ITGB5: variants seen among roughly 807,000 people sequenced by gnomAD.
ITGB5 encodes the protein integrin subunit beta 5, also known as integrin beta-5.
ITGB5 carries 38 observed loss-of-function variants against 84.8 expected under a neutral mutation model. That is an observed-to-expected ratio of 0.45 (90% CI 0.35 to 0.59). The LOEUF (loss-of-function observed/expected upper bound fraction) is 0.59. ITGB5 is among the 20% of genes least tolerant of loss of function. The pLI, the probability that ITGB5 is intolerant of heterozygous loss-of-function variation, is 0.01. For synonymous variants in ITGB5, 393 were observed against 414.4 expected, an observed-to-expected ratio of 0.95 and a Z score of 0.63; for missense variants, 905 against 1,034.5, an observed-to-expected ratio of 0.87 and a Z score of 1.72.
At chr3:124,898,826 A>C (rs1173225621) in intron 1 of ITGB5, among the ~76,000 whole-genome samples, 1 of 149,334 alleles carries the variant, frequency 6.7e-6, no homozygotes, top group South Asian at 2.1e-4. Flanking sequence ...CTGTAATCCC[A>C]GTACTTTGGG....
chr3:124,764,352 C>CTT, intron 14 of ITGB5, 39 bp downstream of exon 14: 5 of 1,582,848 alleles, frequency 3.2e-6, no homozygotes, highest in Non-Finnish European at 3.5e-6. Flanking sequence ...CGCCTCTGAG[C>CTT]TTGAAGTCTC....
intron 10 of ITGB5, among the ~76,000 whole-genome samples, chr3:124,775,462 G>C (rs1359347481): frequency 6.6e-6 from 1 of 152,112 alleles, no homozygotes; most frequent in African/African-American, 2.4e-5. Flanking sequence ...GAAAAGACTA[G>C]ATAGCACCGT....
chr3:124,873,487 A>G lies in ITGB5; in HGVS notation c.115T>C (p.Cys39Arg), dbSNP rs1579326642. 6.2e-7 allele frequency: 1 copy of G among 1,613,932 alleles called. No homozygotes were observed. The highest frequency in any genetic ancestry group is 8.5e-7 in the Non-Finnish European group (1 of 1,179,940). Residue 39 changes from cysteine to arginine, a missense_variant, in exon 2 of 15, where the codon TGT becomes CGT. Physicochemically the swap from Cys to Arg is radical, Grantham distance 180. Transcript: ENST00000296181. Reference protein sequence around the residue: ...TSGSATSCEECLLIHPKCAWC... With the variant: ...TSGSATSCEERLLIHPKCAWC... The stretch of plus-strand genomic sequence containing the variant: ...GCACATTTTGGGTGGATTAGCAGAC[A>G]TTCTTCACATGAGGTGGCACTTCCA...
intron 4 of ITGB5, among the ~76,000 whole-genome samples, chr3:124,845,639 A>T (rs879755759): frequency 6.6e-6 from 1 of 152,134 alleles, no homozygotes; most frequent in Non-Finnish European, 1.5e-5. Context: ...ATAAGTAATG[A>T]TGTGTCATAA....
At chr3:124,875,763 A>G (rs1345844476) in intron 1 of ITGB5, among the ~76,000 whole-genome samples, 1 of 152,232 alleles carries the variant, frequency 6.6e-6, no homozygotes, top group Non-Finnish European at 1.5e-5. Context: ...ACAGATGAAT[A>G]AAGAAAATGT....
chr3:124,789,110 T>A (rs1187509316), intron 10 of ITGB5, among the ~76,000 whole-genome samples: 1 of 152,234 alleles, frequency 6.6e-6, no homozygotes, highest in East Asian at 1.9e-4. Context: ...AAGCCATTTG[T>A]GAAATATGCC....
At chr3:124,859,593 C>T in intron 2 of ITGB5, 147 bp from the exon 3 acceptor site, 1 of 642,834 alleles carries the variant, frequency 1.6e-6, no homozygotes, top group Non-Finnish European at 2.7e-6. Flanking sequence ...ATGGTAATCC[C>T]TATCCCAGAT....
chr3:124,851,868 G>A (rs941077199), intron 3 of ITGB5, among the ~76,000 whole-genome samples: 2 of 152,114 alleles, frequency 1.3e-5, no homozygotes, highest in Admixed American at 6.5e-5. Context: ...GACATTCCTG[G>A]TCAGATCCAT....
chr3:124,864,050 AAAAGAAAG>A (rs375316276), intron 2 of ITGB5, among the ~76,000 whole-genome samples: 17 of 137,690 alleles, frequency 1.2e-4, no homozygotes, highest in African/African-American at 4.2e-4. Context: ...AGAAAAAAGA[AAAAGAAAG>A]AAAGAAAGAA....
intron 8 of ITGB5, among the ~76,000 whole-genome samples, chr3:124,815,351 G>A (rs1356879767): frequency 1.3e-5 from 2 of 152,200 alleles, no homozygotes; most frequent in Non-Finnish European, 2.9e-5. Flanking sequence ...AATGCTCTTG[G>A]GGAGCTCCAG....
intron 3 of ITGB5, 26 bp downstream of exon 3, chr3:124,859,216 T>A (rs2065261340): frequency 6.2e-7 from 1 of 1,607,874 alleles, no homozygotes. Context: ...TCCCAGAGCA[T>A]CCAGCCCTTT....
At chr3:124,839,589 AT>A (rs974018138) in intron 5 of ITGB5, among the ~76,000 whole-genome samples, 1 of 152,170 alleles carries the variant, frequency 6.6e-6, no homozygotes. Flanking sequence ...AGGTGGGGAG[AT>A]GAGGGGGATC....
chr3:124,887,910 T>TTTTTC (rs1340195627), upstream of ITGB5: 3 of 221,220 alleles, frequency 1.4e-5, no homozygotes, highest in African/African-American at 4.9e-5. Flanking sequence ...CCTACATTTC[T>TTTTTC]TTTTCTTTTC....
intron 12 of ITGB5, among the ~76,000 whole-genome samples, chr3:124,767,546 C>T (rs1219021452): frequency 2.0e-5 from 3 of 152,214 alleles, no homozygotes; most frequent in African/African-American, 7.2e-5. Flanking sequence ...CACAGGAAGG[C>T]ATTGTTTCCT....
At position 124,896,092 on chromosome 3, in the gene ITGB5, C is replaced by A. The variant is rs1488113644; in HGVS notation, c.-255+5174G>T. Among the ~76,000 whole-genome samples the A allele has an allele frequency of 3.9e-5, 6 of 152,190 alleles. No homozygotes were observed. In the South Asian group the frequency reaches 1.0e-3, roughly 26 times the overall value. On this transcript the variant is annotated intron_variant, in intron 1 of 4. Transcript: ENST00000608657. ...ATGTGCTTGCATAGAAGACGGAATG[C>A]CTGTTTGAACGTGTTCTTTATGTGG...
chr3:124,817,585 G>A (rs759192419), intron 8 of ITGB5, 36 bp downstream of exon 8: 4 of 1,158,544 alleles, frequency 3.5e-6, no homozygotes, highest in Non-Finnish European at 5.0e-6. Context: ...GAGGGTGGAA[G>A]GGAGGTGGCA....
intron 10 of ITGB5, among the ~76,000 whole-genome samples, chr3:124,795,998 T>C (rs951051251): frequency 2.0e-5 from 3 of 152,168 alleles, no homozygotes; most frequent in Non-Finnish European, 4.4e-5. Flanking sequence ...CAATAAGATA[T>C]GAGTTCATTG....
At chr3:124,770,636 G>A (rs2063828168) in intron 11 of ITGB5, among the ~76,000 whole-genome samples, 1 of 152,286 alleles carries the variant, frequency 6.6e-6, no homozygotes, top group African/African-American at 2.4e-5. Flanking sequence ...AGAACTTGAG[G>A]TTCTGCAGCC....
chr3:124,764,242 C>G (rs2291079), intron 14 of ITGB5, 149 bp downstream of exon 14: 166,385 of 819,900 alleles, frequency 0.2, 17,835 homozygotes, highest in Middle Eastern at 0.24. Flanking sequence ...AATTCTCTCT[C>G]TCCAGAACTG....
Sources: allele counts gnomAD v4.1 joint callset (sites outside exome capture counted in the v4.1 genomes callset), GRCh38; gene constraint gnomAD v4.1.1; transcripts MANE v1.5; gene names NCBI Gene and HGNC (gene_info 2026-07-23, HGNC 2026-07-21).